CDH23: variants seen among roughly 807,000 people sequenced by gnomAD.
The protein encoded by CDH23 is cadherin-23.
Under a neutral mutation model 317.1 loss-of-function variants are expected in CDH23, and 189 were observed. The observed-to-expected ratio is 0.60, with a 90% CI of 0.53 to 0.67. The LOEUF (loss-of-function observed/expected upper bound fraction) is 0.67, where lower values mean the gene tolerates loss of function less well. CDH23 is among the 30% of genes least tolerant of loss of function. The probability of loss-of-function intolerance (pLI) is 0.00; values close to 1 mark genes in which losing one functional copy is unlikely to be tolerated. For missense variants in CDH23, 4,401 were observed against 4,592.4 expected, an observed-to-expected ratio of 0.96 and a Z score of 1.20; for synonymous variants, 1,839 against 1,876.8, an observed-to-expected ratio of 0.98 and a Z score of 0.52.
At chr10:71,498,794 T>C (rs1390786778) in intron 3 of CDH23, among the ~76,000 whole-genome samples, 1 of 152,216 alleles carries the variant, frequency 6.6e-6, no homozygotes, top group Non-Finnish European at 1.5e-5. Context: ...TGGTCCTTAT[T>C]TGCTATGTCA....
chr10:71,615,196 C>T (rs1047471203), intron 9 of CDH23, among the ~76,000 whole-genome samples: 3 of 152,086 alleles, frequency 2.0e-5, no homozygotes, highest in Admixed American at 6.6e-5. Flanking sequence ...AGAAATCAAG[C>T]GAGTCTAGAG....
At chr10:71,753,552 C>T (rs891979836) in intron 38 of CDH23, among the ~76,000 whole-genome samples, 1 of 152,202 alleles carries the variant, frequency 6.6e-6, no homozygotes, top group Non-Finnish European at 1.5e-5. Flanking sequence ...GGAAACCTTA[C>T]AAGGTGCAAG....
intron 11 of CDH23, among the ~76,000 whole-genome samples, chr10:71,632,557 T>C (rs1862063160): frequency 6.6e-6 from 1 of 151,558 alleles, no homozygotes; most frequent in Non-Finnish European, 1.5e-5. Context: ...AAGGCAGAGG[T>C]TGAGATGAGG....
rs1439219596 is a variant in CDH23, at chr10:71,751,960, C to T, written c.4845+10039C>T. The stretch of plus-strand genomic sequence containing the variant: ...TTCTCTCCTCCCTTTCTCTCACCTA[C>T]ATCCCCATCCCCAAGCCTCAGCAGC... On this transcript the variant is annotated intron_variant, in intron 38 of 69. Transcript: ENST00000224721. This position sits in a 1 kb window ranked among gnomAD's most constrained non-coding sequence, Gnocchi z 4.9. 8 of 1,221,586 alleles carry T rather than the reference C, an allele frequency of 6.5e-6. No homozygotes were observed. Among genetic ancestry groups the T allele is most frequent in the East Asian group, 2.5e-5 (1 of 40,144 alleles). The allele number at this position is 1,221,586 out of a possible 1,614,324, so 75.7% of individuals were successfully genotyped here.
intron 38 of CDH23, among the ~76,000 whole-genome samples, chr10:71,745,859 G>A (rs1389387550): frequency 6.6e-6 from 1 of 152,208 alleles, no homozygotes; most frequent in Non-Finnish European, 1.5e-5. Flanking sequence ...TCTAATGGGT[G>A]AGACAGCAGC....
rs2132949951 is a variant in CDH23, at chr10:71,791,325, C to T, written c.6243C>T (p.Asn2081=). The T allele has an allele frequency of 1.2e-6, 2 of 1,613,472 alleles. No individual in the cohort carries two copies. The highest frequency in any genetic ancestry group is 1.7e-6 in the Non-Finnish European group (2 of 1,179,730). Residue 2081 remains asparagine (N), a synonymous_variant, in exon 47 of 70, where the codon AAC becomes AAT. Transcript: ENST00000224721. ...PATLTVHLLE[N]CPPGFSVLQV... ...CCCTCACTGTCCATCTGCTAGAGAA[C>T]TGCCCGCCTGGTAAGCAGGGGACAG...
In CDH23 at chr10:71,811,384, C is replaced by G. The variant is rs576478564; in HGVS notation, c.9147C>G (p.Asp3049Glu). Reference protein sequence around the residue: ...RNLFRNYNVLDVQPAISVRLP... With the variant: ...RNLFRNYNVLEVQPAISVRLP... ...TTTTCCGGAACTACAACGTCCTGGACGTGCAGCCTGCCATCTCTGTCCGGC... is the reference window on the plus strand; with the variant it reads ...TTTTCCGGAACTACAACGTCCTGGAGGTGCAGCCTGCCATCTCTGTCCGGC... Residue 3049 changes from aspartate to glutamate, a missense_variant, in exon 63 of 70, where the codon GAC becomes GAG. Transcript: ENST00000224721. 2 of 1,613,964 alleles carry G rather than the reference C, an allele frequency of 1.2e-6. No homozygotes were observed. Among genetic ancestry groups the G allele is most frequent in the East Asian group, 2.2e-5 (1 of 44,870 alleles).
At chr10:71,747,605 C>T (rs1364084196) in intron 38 of CDH23, 1 of 152,254 alleles carries the variant, frequency 6.6e-6, no homozygotes, top group Non-Finnish European at 1.5e-5. Flanking sequence ...ACAGACCTTT[C>T]AGAACCTCTA....
chr10:71,670,256 G>C (rs1303235497), intron 14 of CDH23, among the ~76,000 whole-genome samples: 1 of 152,206 alleles, frequency 6.6e-6, no homozygotes, highest in Non-Finnish European at 1.5e-5. Context: ...GTGTCTGATG[G>C]TGGGGTATCA....
intron 38 of CDH23, chr10:71,761,758 G>C: frequency 1.2e-6 from 2 of 1,614,158 alleles, no homozygotes; most frequent in Non-Finnish European, 8.5e-7. Flanking sequence ...ACTCCAGCCC[G>C]TGGCGCTGAG....
At chr10:71,404,459 C>T (rs1848005081) in intron 1 of CDH23, among the ~76,000 whole-genome samples, 1 of 152,250 alleles carries the variant, frequency 6.6e-6, no homozygotes, top group African/African-American at 2.4e-5. Context: ...CCCCCTTGCT[C>T]CTTTAGCCAT....
At position 71,792,801 on chromosome 10, in the gene CDH23, G is replaced by A. The variant is rs559785201; in HGVS notation, c.6254-381G>A. ...CACACCACTGCACTCCAGCCTAGGT[G>A]ACAGTGTAAGACTCCATCTAAAAAA... On this transcript the variant is annotated intron_variant, in intron 47 of 69. Transcript: ENST00000224721. Among the ~76,000 whole-genome samples, 335 of 118,962 alleles carry A rather than the reference G, an allele frequency of 2.8e-3. 1 individual carries two copies. The highest frequency in any genetic ancestry group is 0.01 in the African/African-American group (319 of 30,864). 78.0% of individuals were successfully genotyped at this position (118,962 alleles called of 152,430 possible). A position where few individuals can be genotyped will look rare whatever the true frequency, so the allele number is the denominator to read the frequency against.
At chr10:71,621,511 A>G (rs1195399405) in intron 11 of CDH23, among the ~76,000 whole-genome samples, 1 of 152,226 alleles carries the variant, frequency 6.6e-6, no homozygotes, top group East Asian at 1.9e-4. Flanking sequence ...GGAAATGAGC[A>G]TTGGTTGAGT....
At chr10:71,516,700 A>G (rs1478562383) in intron 6 of CDH23, among the ~76,000 whole-genome samples, 1 of 152,198 alleles carries the variant, frequency 6.6e-6, no homozygotes, top group East Asian at 1.9e-4. Context: ...CTACAGAGAC[A>G]GACACTGAAG....
intron 38 of CDH23, among the ~76,000 whole-genome samples, chr10:71,753,254 A>T (rs1432363205): frequency 6.6e-6 from 1 of 152,240 alleles, no homozygotes; most frequent in Non-Finnish European, 1.5e-5. Flanking sequence ...ATTTTCCAGG[A>T]GTGTAAGAAC....
In CDH23 at chr10:71,577,730, T is replaced by A. The variant is rs1858315409; in HGVS notation, c.754-184T>A. Among the ~76,000 whole-genome samples, 2 of 152,020 alleles carry A rather than the reference T, an allele frequency of 1.3e-5. 1 individual carries two copies. Among genetic ancestry groups the A allele is most frequent in the South Asian group, 4.1e-4 (2 of 4,826 alleles). On this transcript the variant is annotated intron_variant, in intron 8 of 69. Transcript: ENST00000224721. Reference sequence around the variant, plus strand: ...TTTGGCCTCCCCGTGGACCCTAGGGTGTTTGCCTGGGAACTGCAGTGTGTG... The same window carrying A: ...TTTGGCCTCCCCGTGGACCCTAGGGAGTTTGCCTGGGAACTGCAGTGTGTG...
chr10:71,558,706 G>A (rs1328748233), intron 6 of CDH23, among the ~76,000 whole-genome samples: 1 of 152,202 alleles, frequency 6.6e-6, no homozygotes, highest in Non-Finnish European at 1.5e-5. Context: ...GGCATGGTTG[G>A]GACTGCTTGT....
intron 9 of CDH23, among the ~76,000 whole-genome samples, chr10:71,588,120 A>C (rs1473455788): frequency 6.6e-6 from 1 of 152,142 alleles, no homozygotes; most frequent in Non-Finnish European, 1.5e-5. Context: ...GAGCAGCCAG[A>C]TGGAGTTCTA....
chr10:71,595,963 A>C (rs2132460407), intron 9 of CDH23, among the ~76,000 whole-genome samples: 1 of 152,270 alleles, frequency 6.6e-6, no homozygotes. Flanking sequence ...ACTGAAGCCC[A>C]CACCAACTGA....
Sources: gnomAD v4.1 joint callset for allele counts (sites outside exome capture counted in the v4.1 genomes callset) on GRCh38, gnomAD v4.1.1 for gene constraint, Gnocchi (gnomAD v3.1) non-coding constraint, MANE v1.5 for transcripts, NCBI Gene and HGNC (gene_info 2026-07-23, HGNC 2026-07-21) for gene names.